CEP170B: variants seen among roughly 807,000 people sequenced by gnomAD.
CEP170B encodes the protein centrosomal protein of 170 kDa protein B.
In CEP170B, 55 loss-of-function variants were observed where a neutral mutation model predicts 120.6. That is an observed-to-expected ratio of 0.46 (90% CI 0.37 to 0.57). CEP170B has a LOEUF of 0.57. Among genes scored for constraint, CEP170B ranks in the 20% least tolerant of loss-of-function variants. The pLI, the probability that CEP170B is intolerant of heterozygous loss-of-function variation, is 0.00. For synonymous variants in CEP170B, 1,033 were observed against 954.5 expected (o/e 1.08, Z -1.52); for missense variants, 2,212 against 2,253.3 (o/e 0.98, Z 0.37).
At chr14:104,876,521 T>G (rs1326802595) in intron 3 of CEP170B, among the ~76,000 whole-genome samples, 176 bp downstream of exon 3, 1 of 86,486 alleles carries the variant, frequency 1.2e-5, no homozygotes, top group African/African-American at 4.7e-5. Flanking sequence ...CCCTGGCCCC[T>G]CCTTCTCAGC....
In CEP170B at chr14:104,884,459, G is replaced by C. The variant is rs1213381910; in HGVS notation, c.1680G>C (p.Glu560Asp). ...TGACCAAGGCACGGAAACAGGAGGA[G>C]GACGACAGCCTCAGTGACGCAGGGA... ...PQLTKARKQE[E>D]DDSLSDAGTY... Residue 560 changes from glutamate (E) to aspartate (D), a missense_variant, in exon 9 of 19, where the codon GAG becomes GAC. Glu to Asp is a conservative substitution (Grantham distance 45). Coordinates refer to ENST00000414716, the MANE Select transcript of CEP170B (RefSeq NM_001112726.3). 1 of 1,557,910 alleles carries C rather than the reference G, an allele frequency of 6.4e-7. No individual in the cohort carries two copies. The highest frequency in any genetic ancestry group is 1.4e-5 in the African/African-American group (1 of 73,450).
intron 3 of CEP170B, 52 bp from the exon 4 acceptor site, chr14:104,877,833 G>GCCCCCCCCCCCCCCCCCCCCCCCCCCCC: frequency 6.7e-5 from 24 of 359,802 alleles, no homozygotes; most frequent in South Asian, 2.5e-4. Context: ...CCTGCCCACA[G>GCCCCCCCCCCCCCCCCCCCCCCCCCCCC]CCACCCACCC....
intron 13 of CEP170B, 55 bp from the exon 14 acceptor site, chr14:104,892,921 C>T (rs534484012): frequency 2.6e-6 from 4 of 1,540,642 alleles, no homozygotes; most frequent in Middle Eastern, 1.9e-4. Context: ...CTGTCTGGCC[C>T]CTGCTGCCCC....
chr14:104,888,997 T>G (rs1896657761), intron 12 of CEP170B, among the ~76,000 whole-genome samples: 1 of 152,184 alleles, frequency 6.6e-6, no homozygotes. Flanking sequence ...GCTGCCAGGC[T>G]TAGAGCAGGG....
rs557509427 is a variant in CEP170B, at chr14:104,870,204, G to A, written c.105+1649G>A. On this transcript the variant is annotated intron_variant, in intron 2 of 18. Coordinates refer to ENST00000414716, the MANE Select transcript of CEP170B (RefSeq NM_001112726.3). This position sits in a 1 kb window ranked among gnomAD's most constrained non-coding sequence, Gnocchi z 4.1. Reference sequence around the variant, plus strand: ...GGTGAGGGGCAGCCAGGGAGCGAGCGTGGGCGACCGAGGTGGGCGCGGCAG... The same window carrying A: ...GGTGAGGGGCAGCCAGGGAGCGAGCATGGGCGACCGAGGTGGGCGCGGCAG... 9.8e-5 allele frequency among the ~76,000 whole-genome samples: 15 copies of A among 152,370 alleles called. No individual in the cohort carries two copies. Among genetic ancestry groups the A allele is most frequent in the East Asian group, 1.9e-4 (1 of 5,182 alleles).
chr14:104,885,566 A>T, intron 10 of CEP170B, 24 bp downstream of exon 10: 1 of 1,538,078 alleles, frequency 6.5e-7, no homozygotes, highest in Non-Finnish European at 8.7e-7. Context: ...CGGCCACCCC[A>T]AGGAGGGGCT....
intron 2 of CEP170B, among the ~76,000 whole-genome samples, chr14:104,872,726 C>G (rs1282483909): frequency 6.6e-6 from 1 of 152,106 alleles, no homozygotes; most frequent in Non-Finnish European, 1.5e-5. Flanking sequence ...TGCCTGTGGC[C>G]GCCAATGGGG....
intron 3 of CEP170B, 75 bp downstream of exon 3, chr14:104,876,420 G>C (rs1403741245): frequency 5.7e-5 from 79 of 1,386,750 alleles, no homozygotes; most frequent in Non-Finnish European, 7.7e-5. Flanking sequence ...CTCAGTTCTG[G>C]CTCCTCCCCC....
At chr14:104,865,020 G>A (rs1895117785), upstream of CEP170B, among the ~76,000 whole-genome samples, 1 of 151,586 alleles carries the variant, frequency 6.6e-6, no homozygotes, top group African/African-American at 2.4e-5. The surrounding 1 kb of genome is among the most constrained non-coding windows in gnomAD (Gnocchi z 6.7). Flanking sequence ...AGATGAGCCG[G>A]GGAGGCCAGC....
chr14:104,886,100 G>A lies in CEP170B; in HGVS notation c.2005G>A (p.Ala669Thr). The A allele has an allele frequency of 6.5e-7, 1 of 1,546,352 alleles. No homozygotes were observed. The highest frequency in any genetic ancestry group is 8.7e-7 in the Non-Finnish European group (1 of 1,146,098). ...GTGGGTGTCCCGCTGGGCCAGCCTGGCTGACAGCTACTCAGACCCGGGCCT... is the reference window on the plus strand; with the variant it reads ...GTGGGTGTCCCGCTGGGCCAGCCTGACTGACAGCTACTCAGACCCGGGCCT... ...QKWVSRWASL[A>T]DSYSDPGLTE... Residue 669 changes from alanine to threonine, a missense_variant, in exon 11 of 19, where the codon GCT (alanine) becomes ACT (threonine). Ala to Thr is a moderately conservative substitution (Grantham distance 58, BLOSUM62 0). Coordinates refer to ENST00000414716, the MANE Select transcript of CEP170B (RefSeq NM_001112726.3).
At chr14:104,885,000 G>A (rs1320493524) in intron 9 of CEP170B, among the ~76,000 whole-genome samples, 41 of 138,134 alleles carry the variant, frequency 3.0e-4, no homozygotes, top group Non-Finnish European at 6.4e-5. Flanking sequence ...GTGGGGAATC[G>A]GGGGTGGAGG....
chr14:104,885,633 G>T, intron 10 of CEP170B, 91 bp downstream of exon 10: 1 of 1,469,888 alleles, frequency 6.8e-7, no homozygotes, highest in Non-Finnish European at 9.0e-7. Flanking sequence ...CCCCCATGGG[G>T]CGAGACTGGA....
rs1180657735 is a variant in CEP170B at position 104,876,268 on chromosome 14, G to A, written c.118G>A (p.Asp40Asn). Residue 40 changes from aspartate to asparagine, a missense_variant, in exon 3 of 19, where the codon GAC becomes AAC. Around this residue, in one of 2 missense-constraint regions of CEP170B, gnomAD observed 46 missense variants for 86.6 expected, o/e 0.53. Coordinates refer to ENST00000414716, the MANE Select transcript of CEP170B (RefSeq NM_001112726.3). ...TGTGTCTCTCCAGTCCCGCAGCGTG[G>A]ACAAGCAGCATGCCGTCATCAACTA... ...CELMLQSRSV[D>N]KQHAVINYDQ... 6.4e-7 allele frequency: 1 copy of A among 1,550,776 alleles called. No homozygotes were observed. The highest frequency in any genetic ancestry group is 1.2e-5 in the South Asian group (1 of 84,056).
Position 104,883,355 on chromosome 14 carries a change from AAGG to A in CEP170B, c.902_904del (p.Glu301del), listed in dbSNP as rs1276001652. ...CCTGCGCCAGCGGCGGCCCCCGGGC[AAGG>A]AGGCCACACCTGGCGAGATGGTGTC... On this transcript the variant is annotated inframe_deletion, in exon 8 of 19. Coordinates refer to ENST00000414716, the MANE Select transcript of CEP170B (RefSeq NM_001112726.3). The A allele has an allele frequency of 6.2e-7, 1 of 1,610,694 alleles. No homozygotes were observed. The highest frequency in any genetic ancestry group is 8.5e-7 in the Non-Finnish European group (1 of 1,179,250).
chr14:104,893,248 C>A, intron 14 of CEP170B, 113 bp downstream of exon 14: 1 of 1,276,034 alleles, frequency 7.8e-7, no homozygotes, highest in Non-Finnish European at 1.1e-6. Flanking sequence ...CACATCCCCA[C>A]TTGGCGAGCT....
rs1195722431 is a variant in CEP170B, at chr14:104,878,628, C to T, written c.333+127C>T. The stretch of plus-strand genomic sequence containing the variant: ...CCTCTGGGGCGCCCTGTTCAGGCTG[C>T]GGGTGCCATGAGTCAGGCCAGCCTG... On this transcript the variant is annotated intron_variant, in intron 5 of 18. Coordinates refer to ENST00000414716, the MANE Select transcript of CEP170B (RefSeq NM_001112726.3). 4.1e-5 allele frequency: 41 copies of T among 992,748 alleles called. No individual in the cohort carries two copies. The Middle Eastern group carries it at 1.6e-3, about 38-fold the overall frequency. The allele number at this position is 992,748 out of a possible 1,614,324, so 61.5% of individuals were successfully genotyped here.
intron 11 of CEP170B, 21 bp downstream of exon 11, chr14:104,886,151 G>C (rs1034701064): frequency 6.6e-7 from 1 of 1,515,324 alleles, no homozygotes; most frequent in Admixed American, 2.1e-5. Flanking sequence ...CCAGTGCTGC[G>C]GGGGAGTCGG....
At chr14:104,872,594 A>G (rs1028126753) in intron 2 of CEP170B, among the ~76,000 whole-genome samples, 2 of 151,692 alleles carry the variant, frequency 1.3e-5, no homozygotes, top group African/African-American at 4.9e-5. Context: ...GTCTGTGGGG[A>G]GGTGTCCTCC....
rs756789398 is a variant in CEP170B at position 104,882,781 on chromosome 14, G to A, written c.526G>A (p.Asp176Asn). 8.6e-5 allele frequency: 138 copies of A among 1,612,274 alleles called. No individual in the cohort carries two copies. The highest frequency in any genetic ancestry group is 1.1e-4 in the Non-Finnish European group (135 of 1,179,696). Residue 176 changes from aspartate to asparagine, a missense_variant, in exon 7 of 19, where the codon GAC becomes AAC. Asp to Asn is a conservative substitution (Grantham distance 23). Around this residue, in one of 2 missense-constraint regions of CEP170B, gnomAD observed 2,166 missense variants for 2,166.7 expected, o/e 1.00. Transcript: ENST00000414716. Reference sequence around the variant, plus strand: ...TGGGCAGCCCTCCTGGTGGGGTGAGGACGATGGTAGCACGCTGCCTGACGC... The same window carrying A: ...TGGGCAGCCCTCCTGGTGGGGTGAGAACGATGGTAGCACGCTGCCTGACGC... ...LYGQPSWWGE[D>N]DGSTLPDAQR...
Sources: allele counts gnomAD v4.1 joint callset (sites outside exome capture counted in the v4.1 genomes callset), GRCh38; gene constraint gnomAD v4.1.1; regional missense constraint gnomAD v4.1.1; non-coding constraint Gnocchi (gnomAD v3.1); transcripts MANE v1.5; gene names NCBI Gene and HGNC (gene_info 2026-07-23, HGNC 2026-07-21).